The following SLC1A7 variants were observed in gnomAD, a reference collection of about 807,000 sequenced individuals.
SLC1A7 encodes solute carrier family 1 member 7, also known as excitatory amino acid transporter 5.
Under a neutral mutation model 47.7 loss-of-function variants are expected in SLC1A7, and 40 were observed. That is an observed-to-expected ratio of 0.84 (90% CI 0.65 to 1.09). The LOEUF (loss-of-function observed/expected upper bound fraction) is 1.09, where lower values mean the gene tolerates loss of function less well. Ranked by LOEUF, SLC1A7 falls within the 50% of genes least tolerant of loss-of-function variation. SLC1A7 has a pLI of 0.00. For synonymous variants in SLC1A7, 323 were observed against 325.6 expected, an observed-to-expected ratio of 0.99 and a Z score of 0.09; for missense variants, 746 against 769.5, an observed-to-expected ratio of 0.97 and a Z score of 0.36.
intron 1 of SLC1A7, 29 bp from the exon 2 acceptor site, chr1:53,134,458 A>G (rs754420969): frequency 6.8e-6 from 10 of 1,475,080 alleles, no homozygotes; most frequent in Non-Finnish European, 8.5e-6. Context: ...CTGGGGTTAT[A>G]GCAAGAGATG....
At chr1:53,112,344 G>A (rs1197238510) in intron 3 of SLC1A7, among the ~76,000 whole-genome samples, 3 of 152,226 alleles carry the variant, frequency 2.0e-5, no homozygotes. Context: ...TAGACCAACT[G>A]TTCCCCAGTT....
At chr1:53,127,887 A>G (rs1363016746) in intron 2 of SLC1A7, among the ~76,000 whole-genome samples, 3 of 152,162 alleles carry the variant, frequency 2.0e-5, no homozygotes, top group Non-Finnish European at 4.4e-5. Context: ...TCCGGATGAG[A>G]ACAGAGCCCA....
At chr1:53,138,532 A>AT (rs11402739) in intron 1 of SLC1A7, among the ~76,000 whole-genome samples, 106,553 of 140,114 alleles carry the variant, frequency 0.76, 41,022 homozygotes, top group Middle Eastern at 0.89. Context: ...ATTGACATTA[A>AT]TTTTTTTTTT....
At chr1:53,131,643 G>A (rs1281198525) in intron 2 of SLC1A7, among the ~76,000 whole-genome samples, 2 of 152,250 alleles carry the variant, frequency 1.3e-5, no homozygotes, top group South Asian at 2.1e-4. Flanking sequence ...AGGGCCAAGT[G>A]TCCAGAAAGC....
At chr1:53,089,742 G>C (rs1005755623) in intron 9 of SLC1A7, 58 bp downstream of exon 9, 3 of 1,587,286 alleles carry the variant, frequency 1.9e-6, no homozygotes, top group Admixed American at 1.7e-5. Flanking sequence ...CCTGATCCCT[G>C]CTGACCCTGA....
At chr1:53,108,232 C>T in intron 3 of SLC1A7, 1 of 249,112 alleles carries the variant, frequency 4.0e-6, no homozygotes, top group Non-Finnish European at 7.7e-6. Context: ...CCTGGGTCGC[C>T]TCCCACTCAC....
chr1:53,129,593 GCC>G (rs1553164891), intron 2 of SLC1A7, among the ~76,000 whole-genome samples: 882 of 138,908 alleles, frequency 6.3e-3, no homozygotes, highest in Middle Eastern at 0.02. Context: ...GCTGGAAGAT[GCC>G]AGATTATGGG....
intron 2 of SLC1A7, chr1:53,115,277 A>C: frequency 2.3e-6 from 1 of 440,272 alleles, no homozygotes. Flanking sequence ...GAGATTAATT[A>C]AGGAAATGCG....
chr1:53,127,534 C>A (rs939088687), intron 2 of SLC1A7, among the ~76,000 whole-genome samples: 2 of 152,170 alleles, frequency 1.3e-5, no homozygotes, highest in African/African-American at 4.8e-5. Context: ...CAGGCCACCC[C>A]GATGACCCAA....
chr1:53,112,918 A>G (rs1454571169), intron 3 of SLC1A7, among the ~76,000 whole-genome samples: 2 of 152,154 alleles, frequency 1.3e-5, no homozygotes, highest in African/African-American at 2.4e-5. Context: ...GGAGAGACAC[A>G]ACGAGGGAGC....
At chr1:53,101,301 TCGCACACCCCACC>T (rs879515534) in intron 5 of SLC1A7, among the ~76,000 whole-genome samples, 26,711 of 139,264 alleles carry the variant, frequency 0.19, 2,768 homozygotes, top group Middle Eastern at 0.28. Flanking sequence ...CTCGGTACAC[TCGCACACCCCACC>T]TCGGTACACT....
Position 53,092,253 on chromosome 1 carries a change from G to A in SLC1A7, c.1031+301C>T, listed in dbSNP as rs147309488. On this transcript the variant is annotated intron_variant, in intron 7 of 10. Transcript: ENST00000371494. ...TTGTGGGGCAAAAGGCAGCAGCAGTGCGTTGCCAATGTGATTTCCCACTGA... is the reference window on the plus strand; with the variant it reads ...TTGTGGGGCAAAAGGCAGCAGCAGTACGTTGCCAATGTGATTTCCCACTGA... Among the ~76,000 whole-genome samples the A allele has an allele frequency of 6.4e-3, 970 of 152,376 alleles. 5 individuals carry two copies. The highest frequency in any genetic ancestry group is 0.022 in the African/African-American group (910 of 41,596).
At chr1:53,117,638 C>A (rs1240356078) in intron 2 of SLC1A7, among the ~76,000 whole-genome samples, 2 of 152,198 alleles carry the variant, frequency 1.3e-5, no homozygotes, top group African/African-American at 4.8e-5. Flanking sequence ...TGGTGGACTC[C>A]CTCCAGATTT....
chr1:53,109,268 TCC>T (rs1205211176), intron 3 of SLC1A7, among the ~76,000 whole-genome samples: 2 of 151,958 alleles, frequency 1.3e-5, no homozygotes, highest in Non-Finnish European at 2.9e-5. Context: ...CCTGGAAGCT[TCC>T]TCCAATCCCT....
At chr1:53,094,423 G>A (rs530700369) in intron 5 of SLC1A7, among the ~76,000 whole-genome samples, 1 of 152,300 alleles carries the variant, frequency 6.6e-6, no homozygotes, top group Non-Finnish European at 1.5e-5. Flanking sequence ...TGAGACCGAC[G>A]TGGGGAGCAG....
At chr1:53,129,502 TTG>T (rs1557688894) in intron 2 of SLC1A7, among the ~76,000 whole-genome samples, 2,318 of 136,926 alleles carry the variant, frequency 0.017, 16 homozygotes, top group East Asian at 0.027. Flanking sequence ...CTGCACTCAG[TTG>T]GACTGAAGCA....
chr1:53,106,427 A>G (rs1644641580), intron 3 of SLC1A7, among the ~76,000 whole-genome samples: 2 of 151,324 alleles, frequency 1.3e-5, no homozygotes, highest in African/African-American at 4.9e-5. Context: ...CCACGGTGAA[A>G]CCCCGTCTCT....
chr1:53,089,253 G>T (rs1572289514), intron 9 of SLC1A7, among the ~76,000 whole-genome samples: 1 of 107,534 alleles, frequency 9.3e-6, no homozygotes, highest in African/African-American at 2.7e-5. Context: ...TTATAGGTTT[G>T]TTTTTTGTTT....
At chr1:53,091,787 T>C (rs1644424972) in intron 7 of SLC1A7, among the ~76,000 whole-genome samples, 1 of 152,176 alleles carries the variant, frequency 6.6e-6, no homozygotes, top group African/African-American at 2.4e-5. Context: ...TTCCTGCGAC[T>C]CCCTTAATGT....
Sources: gnomAD v4.1 joint callset for allele counts (sites outside exome capture counted in the v4.1 genomes callset) on GRCh38, gnomAD v4.1.1 for gene constraint, MANE v1.5 for transcripts, NCBI Gene and HGNC (gene_info 2026-07-23, HGNC 2026-07-21) for gene names.